Variants in CIAO3 observed in about 807,000 individuals in gnomAD.
CIAO3 encodes the protein LET1 like/JFP15.
CIAO3 carries 45 observed loss-of-function variants against 51.5 expected under a neutral mutation model. The observed-to-expected ratio is 0.87, with a 90% CI of 0.69 to 1.12. CIAO3 has a LOEUF of 1.12. Among genes scored for constraint, CIAO3 ranks in the 50% most tolerant of loss-of-function variants. The pLI is 0.00. For synonymous variants in CIAO3, 314 were observed against 269.3 expected (o/e 1.17, Z -1.63); for missense variants, 668 against 632.5 (o/e 1.06, Z -0.60).
chr16:733,208 G>C, intron 7 of CIAO3, 90 bp downstream of exon 7: 1 of 1,523,032 alleles, frequency 6.6e-7, no homozygotes, highest in Non-Finnish European at 8.9e-7. Flanking sequence ...GCCCCCACAG[G>C]CAGGATCCTG....
chr16:734,817 C>G lies in CIAO3; in HGVS notation c.494G>C (p.Ser165Thr), dbSNP rs2041321640. The change falls in exon 5 of 11, where the codon AGC becomes ACC. Residue 165 changes from serine (S) to threonine (T), a missense_variant. Physicochemically the swap from Ser to Thr is moderately conservative, Grantham distance 58 (BLOSUM62 1). Transcript: ENST00000251588. ...AFSRHFSLLE[S>T]QREFVRRFRG... ...GAATCGCCGCACAAACTCTCGCTGG[C>G]TCTCCAGGAGGCTGAAGTGCCTTGA... is the stretch of plus-strand genomic sequence containing the variant. The G allele has an allele frequency of 1.2e-6, 2 of 1,601,526 alleles. No homozygotes were observed. Among genetic ancestry groups the G allele is most frequent in the Non-Finnish European group, 1.7e-6 (2 of 1,172,028 alleles).
At chr16:733,983 T>C in intron 6 of CIAO3, 1 of 505,490 alleles carries the variant, frequency 2.0e-6, no homozygotes, top group Non-Finnish European at 3.6e-6. Context: ...GCCCAGGGCC[T>C]CCTGCTCCCT....
chr16:739,871 G>T, intron 1 of CIAO3, 133 bp from the exon 2 acceptor site: 1 of 1,219,438 alleles, frequency 8.2e-7, no homozygotes. Flanking sequence ...AGGGACTGAG[G>T]CTGGTCCCAC....
chr16:733,864 C>A (rs12051048), intron 6 of CIAO3: 107,933 of 365,936 alleles, frequency 0.29, 20,353 homozygotes, highest in East Asian at 0.8. Flanking sequence ...CTCCCGCCCC[C>A]TGCTGGCTGA....
At chr16:736,237 G>T in intron 4 of CIAO3, 29 bp downstream of exon 4, 1 of 1,611,444 alleles carries the variant, frequency 6.2e-7, no homozygotes, top group South Asian at 1.1e-5. Flanking sequence ...GATTTGGAGC[G>T]GCAGTGTTAC....
chr16:733,169 C>A, intron 7 of CIAO3, 129 bp downstream of exon 7: 2 of 1,209,370 alleles, frequency 1.7e-6, no homozygotes, highest in Non-Finnish European at 1.1e-6. Flanking sequence ...GGTACGTGCA[C>A]GCATGCGAGC....
chr16:738,123 T>G, intron 2 of CIAO3: 1 of 1,016,636 alleles, frequency 9.8e-7, no homozygotes, highest in Non-Finnish European at 1.2e-6. Context: ...CACAAAGCCT[T>G]GCCTGCCACA....
intron 1 of CIAO3, 70 bp downstream of exon 1, chr16:740,850 C>T: frequency 7.1e-7 from 1 of 1,416,992 alleles, no homozygotes; most frequent in Non-Finnish European, 9.6e-7. Flanking sequence ...AAGTGGGGCG[C>T]AGAGCAATTT....
At position 732,283 on chromosome 16, in the gene CIAO3, G is replaced by C. The variant is rs766767937; in HGVS notation, c.896+18C>G. The C allele has an allele frequency of 1.4e-5, 22 of 1,597,354 alleles. No homozygotes were observed. Among genetic ancestry groups the C allele is most frequent in the East Asian group, 2.2e-5 (1 of 44,630 alleles). ...GTTAGAAGCTAAAATAACAGTTCTT[G>C]GTGGCAGACATACGTACAGGCTGTC... On this transcript the variant is annotated intron_variant, in intron 8 of 10. Coordinates refer to ENST00000251588, the MANE Select transcript of CIAO3 (RefSeq NM_022493.3).
chr16:733,153 G>T, intron 7 of CIAO3, 145 bp downstream of exon 7: 1 of 1,065,758 alleles, frequency 9.4e-7, no homozygotes, highest in East Asian at 2.6e-5. Flanking sequence ...CAAGGGGAGA[G>T]ACGAAGGTAC....
At position 730,298 on chromosome 16, in the gene CIAO3, G is replaced by T; in HGVS notation, c.*119C>A. 9.7e-7 allele frequency: 1 copy of T among 1,033,464 alleles called. No homozygotes were observed. Among genetic ancestry groups the T allele is most frequent in the Non-Finnish European group, 1.4e-6 (1 of 695,778 alleles). The allele number at this position is 1,033,464 out of a possible 1,614,324, so 64.0% of individuals were successfully genotyped here. On this transcript the variant is annotated 3_prime_UTR_variant, in exon 11 of 11. Transcript: ENST00000251588. ...TCCTGGCTAGTCCTAGCTCCTACTC[G>T]GGTCCCAGCACACCCTGCAGCTCAC...
In CIAO3 at chr16:734,325, C is replaced by A. The variant is rs370544238; in HGVS notation, c.597G>T (p.Lys199Asn). 2.5e-6 allele frequency: 4 copies of A among 1,611,262 alleles called. No individual in the cohort carries two copies. Among genetic ancestry groups the A allele is most frequent in the Non-Finnish European group, 2.5e-6 (3 of 1,179,800 alleles). ...ACPGWICYAE[K>N]THGSFILPHI... ...GGGGGAGGATGAAGCTGCCGTGAGT[C>A]TTCTCGGCATAGCAGATCCAGCCTG... The change falls in exon 6 of 11, where the codon AAG becomes AAT. Residue 199 changes from lysine to asparagine, a missense_variant. Coordinates refer to ENST00000251588, the MANE Select transcript of CIAO3 (RefSeq NM_022493.3).
rs559187166 is a variant in CIAO3, at chr16:740,187, A to G, written c.67-449T>C. The G allele has an allele frequency of 2.9e-5, 32 of 1,121,148 alleles. 1 individual carries two copies. In the African/African-American group the frequency reaches 5.0e-4, roughly 17 times the overall value. The allele number at this position is 1,121,148 out of a possible 1,614,324, so 69.4% of individuals were successfully genotyped here. A position where few individuals can be genotyped will look rare whatever the true frequency, so the allele number is the denominator to read the frequency against. On this transcript the variant is annotated intron_variant, in intron 1 of 10. Transcript: ENST00000251588. ...TCCTTGAGAACCCTGGCAGCCCAGA[A>G]AGCCGCCTCCCAGCTCATCCCTGCC...
chr16:740,001 G>A (rs1425862424), intron 1 of CIAO3: 21 of 1,467,626 alleles, frequency 1.4e-5, no homozygotes, highest in Admixed American at 2.1e-5. Context: ...ACCCACCTGC[G>A]GAGACACCAC....
chr16:732,147 G>C, intron 8 of CIAO3, 154 bp downstream of exon 8: 1 of 786,234 alleles, frequency 1.3e-6, no homozygotes, highest in Non-Finnish European at 2.1e-6. Context: ...CAAAGTGCTG[G>C]GGTGACAGGC....
At chr16:732,569 G>C (rs1199111231) in intron 7 of CIAO3, 196 bp from the exon 8 acceptor site, 2 of 689,498 alleles carry the variant, frequency 2.9e-6, no homozygotes, top group Non-Finnish European at 5.3e-6. Flanking sequence ...GTCCTGCCCA[G>C]GGAGGTGTGC....
At chr16:740,047 C>A (rs183151027) in intron 1 of CIAO3, 1 of 1,394,496 alleles carries the variant, frequency 7.2e-7, no homozygotes, top group East Asian at 3.7e-5. Context: ...GAACAGGGGG[C>A]GTGACCACCA....
intron 6 of CIAO3, chr16:733,990 C>A (rs1453466961): frequency 3.9e-6 from 2 of 515,288 alleles, no homozygotes; most frequent in Non-Finnish European, 7.1e-6. Context: ...GCCTCCTGCT[C>A]CCTCAGCCTC....
Position 732,319 on chromosome 16 carries a change from G to T in CIAO3, c.878C>A (p.Pro293Gln). The change falls in exon 8 of 11, where the codon CCA becomes CAA. Residue 293 changes from proline to glutamine, a missense_variant. Pro to Gln is a moderately conservative substitution (Grantham distance 76). Transcript: ENST00000251588. ...EEGVSLPDLE[P>Q]APLDSLCSGA... ...TACGTACAGGCTGTCCAGAGGGGCT[G>T]GTTCCAGGTCGGGGAGGGAGACGCC... The T allele has an allele frequency of 6.2e-7, 1 of 1,612,886 alleles. No homozygotes were observed. The highest frequency in any genetic ancestry group is 1.1e-5 in the South Asian group (1 of 91,072).
Sources: allele counts gnomAD v4.1 joint callset, GRCh38; gene constraint gnomAD v4.1.1; transcripts MANE v1.5; gene names NCBI Gene and HGNC (gene_info 2026-07-23, HGNC 2026-07-21).